Variants in DTX2 observed in about 807,000 individuals in gnomAD.
DTX2 encodes deltex E3 ubiquitin ligase 2.
A neutral mutation model predicts 55.3 loss-of-function variants in DTX2; 29 were observed. The ratio of observed to expected loss-of-function variants is 0.52; its 90% confidence interval spans 0.39 to 0.71. DTX2 has a LOEUF of 0.71. Among genes scored for constraint, DTX2 ranks in the 30% least tolerant of loss-of-function variants. The probability of loss-of-function intolerance (pLI) is 0.00; values close to 1 mark genes in which losing one functional copy is unlikely to be tolerated. For synonymous variants in DTX2, 276 were observed against 340.4 expected (o/e 0.81, Z 2.08); for missense variants, 537 against 822.5 (o/e 0.65, Z 4.25).
chr7:76,502,785 C>T (rs900728847), intron 8 of DTX2: 28 of 414,056 alleles, frequency 6.8e-5, no homozygotes, highest in Middle Eastern at 1.3e-3. Context: ...GCACCGCAGA[C>T]ACTGTCTCCC....
chr7:76,490,287 C>T (rs1290333254), intron 4 of DTX2, among the ~76,000 whole-genome samples: 1 of 86,006 alleles, frequency 1.2e-5, no homozygotes, highest in East Asian at 3.0e-4. Context: ...GATCACACCA[C>T]TGCACTCCAG....
At chr7:76,502,588 GC>G in intron 8 of DTX2, 132 bp downstream of exon 8, 1 of 1,066,512 alleles carries the variant, frequency 9.4e-7, no homozygotes, top group Non-Finnish European at 1.3e-6. Context: ...TGGGCGTGGG[GC>G]CAGCTTGAAG....
At chr7:76,477,800 C>CTAAATAAATAAATAAA (rs200872991) in intron 2 of DTX2, among the ~76,000 whole-genome samples, 2 of 90,046 alleles carry the variant, frequency 2.2e-5, no homozygotes, top group African/African-American at 9.9e-5. Flanking sequence ...GACTCGGACT[C>CTAAATAAATAAATAAA]TAAATAAATA....
At chr7:76,482,068 C>T (rs1320761110) in intron 3 of DTX2, among the ~76,000 whole-genome samples, 2 of 152,104 alleles carry the variant, frequency 1.3e-5, no homozygotes, top group African/African-American at 4.8e-5. Flanking sequence ...GCTCCCAAGT[C>T]GTTGCCTTCA....
chr7:76,498,615 C>T lies in DTX2; in HGVS notation c.1150+1138C>T, dbSNP rs1811204781. Among the ~76,000 whole-genome samples the T allele has an allele frequency of 2.5e-5, 3 of 117,814 alleles. 1 individual carries two copies. The East Asian group carries it at 8.8e-4, about 35-fold the overall frequency. 77.3% of individuals were successfully genotyped at this position (117,814 alleles called of 152,430 possible). On this transcript the variant is annotated intron_variant, in intron 6 of 10. Coordinates refer to ENST00000430490, the MANE Select transcript of DTX2 (RefSeq NM_001102594.3). ...CGGCCTCACCAGGGCTGGGCAGAGGCGAGGCCCAGGCTCACCCGGAGATGG... is the reference window on the plus strand; with the variant it reads ...CGGCCTCACCAGGGCTGGGCAGAGGTGAGGCCCAGGCTCACCCGGAGATGG...
intron 7 of DTX2, among the ~76,000 whole-genome samples, chr7:76,501,033 CCAAT>C (rs1156774757): frequency 6.6e-5 from 10 of 152,082 alleles, no homozygotes; most frequent in Non-Finnish European, 1.5e-5. Flanking sequence ...ATGAACAGGA[CCAAT>C]CAGACTCCTG....
intron 2 of DTX2, chr7:76,478,344 T>C (rs1808772932): frequency 7.0e-6 from 1 of 143,566 alleles, no homozygotes; most frequent in Non-Finnish European, 1.5e-5. Flanking sequence ...GAGACAGATG[T>C]GGAGCAGCAC....
Position 76,503,666 on chromosome 7 carries a change from A to T in DTX2, c.1551+79A>T, listed in dbSNP as rs1270502609. 10 of 1,321,198 alleles carry T rather than the reference A, an allele frequency of 7.6e-6. No homozygotes were observed. The East Asian group carries it at 2.4e-4, about 32-fold the overall frequency. The allele number at this position is 1,321,198 out of a possible 1,614,324, so 81.8% of individuals were successfully genotyped here. The stretch of plus-strand genomic sequence containing the variant: ...CCACATCCCAGCAGTCTGCCCCTGG[A>T]TCAAGGCTGAGGATGCCCATGTGGC... On this transcript the variant is annotated intron_variant, in intron 9 of 10. Transcript: ENST00000430490.
chr7:76,505,677 G>GC lies in DTX2; in HGVS notation c.*79dup. 4.1e-6 allele frequency: 6 copies of GC among 1,453,656 alleles called. No individual in the cohort carries two copies. Among genetic ancestry groups the GC allele is most frequent in the Non-Finnish European group, 4.6e-6 (5 of 1,078,988 alleles). The allele number at this position is 1,453,656 out of a possible 1,614,324, so 90.0% of individuals were successfully genotyped here. On this transcript the variant is annotated 3_prime_UTR_variant, in exon 11 of 11. Transcript: ENST00000430490. This position sits in a 1 kb window ranked among gnomAD's most constrained non-coding sequence, Gnocchi z 4.4. ...CTGGCTGGGTGGCCAGGCAGGAAGT[G>GC]CCCAGCCCGAGAGGCTGGGAGGTTT...
chr7:76,501,386 AG>A (rs2116602306), intron 7 of DTX2: 1 of 420,402 alleles, frequency 2.4e-6, no homozygotes, highest in East Asian at 7.1e-5. Flanking sequence ...CCCAGCGCTC[AG>A]CTCTGTCTCG....
chr7:76,501,195 C>T, intron 7 of DTX2: 1 of 438,046 alleles, frequency 2.3e-6, no homozygotes, highest in Admixed American at 2.6e-5. Flanking sequence ...CAGAGATCTT[C>T]AGATACTTGG....
chr7:76,481,702 A>G (rs1458638024), intron 3 of DTX2, among the ~76,000 whole-genome samples: 1 of 151,836 alleles, frequency 6.6e-6, no homozygotes, highest in Non-Finnish European at 1.5e-5. Context: ...GCTGCTCGCC[A>G]TCCGGCAGTG....
At chr7:76,501,888 C>CTTTT in intron 7 of DTX2, 3 of 144,772 alleles carry the variant, frequency 2.1e-5, no homozygotes, top group South Asian at 4.0e-4. Context: ...GTGGAATGGA[C>CTTTT]TTTTTTTTTT....
In DTX2 at chr7:76,505,406, G is replaced by T; in HGVS notation, c.1674G>T (p.Arg558Ser). 1.9e-6 allele frequency: 3 copies of T among 1,590,232 alleles called. No individual in the cohort carries two copies. Among genetic ancestry groups the T allele is most frequent in the Non-Finnish European group, 2.6e-6 (3 of 1,168,754 alleles). Reference sequence around the variant, plus strand: ...AGCTCCTGAAGGTGGCCTGGAAGAGGCGGCTCATCTTCACAGTGGGCACGT... The same window carrying T: ...AGCTCCTGAAGGTGGCCTGGAAGAGTCGGCTCATCTTCACAGTGGGCACGT... ...VLELLKVAWK[R>S]RLIFTVGTSS... Residue 558 changes from arginine (R) to serine (S), a missense_variant, in exon 11 of 11, where the codon AGG becomes AGT. By Grantham distance (110) the Arg-to-Ser change is moderately radical. Around this residue, in one of 7 missense-constraint regions of DTX2, gnomAD observed 33 missense variants for 48.4 expected, o/e 0.68. Coordinates refer to ENST00000430490, the MANE Select transcript of DTX2 (RefSeq NM_001102594.3). The surrounding 1 kb of genome is among the most constrained non-coding windows in gnomAD (Gnocchi z 4.4).
chr7:76,505,808 G>A lies in DTX2; in HGVS notation c.*207G>A. On this transcript the variant is annotated 3_prime_UTR_variant, in exon 11 of 11. Transcript: ENST00000430490. The surrounding 1 kb of genome is among the most constrained non-coding windows in gnomAD (Gnocchi z 4.4). ...GGCAGCCCTGGGCAGTTGTACTCAT[G>A]GGGGCTTAGGATGCAGCTACCTCAG... is the stretch of plus-strand genomic sequence containing the variant. 19 of 627,562 alleles carry A rather than the reference G, an allele frequency of 3.0e-5. No individual in the cohort carries two copies. The highest frequency in any genetic ancestry group is 2.8e-6 in the Non-Finnish European group (1 of 358,262). The allele number at this position is 627,562 out of a possible 1,614,324, so 38.9% of individuals were successfully genotyped here. A position where few individuals can be genotyped will look rare whatever the true frequency, so the allele number is the denominator to read the frequency against.
At position 76,495,678 on chromosome 7, in the gene DTX2, G is replaced by T. The variant is rs954251869; in HGVS notation, c.1010-1659G>T. On this transcript the variant is annotated intron_variant, in intron 5 of 10. Coordinates refer to ENST00000430490, the MANE Select transcript of DTX2 (RefSeq NM_001102594.3). ...CCCAGGGATCAGGCACTGCCCCAGC[G>T]GGGTGCTGGAGATGCAGCTACGGGT... Among the ~76,000 whole-genome samples, 765 of 150,532 alleles carry T rather than the reference G, an allele frequency of 5.1e-3. 2 individuals carry two copies. The highest frequency in any genetic ancestry group is 0.021 in the South Asian group (101 of 4,724).
At chr7:76,473,111 G>A (rs1808142011) in intron 2 of DTX2, among the ~76,000 whole-genome samples, 1 of 152,014 alleles carries the variant, frequency 6.6e-6, no homozygotes, top group Non-Finnish European at 1.5e-5. Flanking sequence ...GATTATAGGT[G>A]TGAGCCACCA....
In DTX2 at chr7:76,488,674, T is replaced by G. The variant is rs1810136861; in HGVS notation, c.909-3479T>G. On this transcript the variant is annotated intron_variant, in intron 4 of 10. Transcript: ENST00000430490. ...ACTTTGGGAGGCCGAGGTGGGTGGA[T>G]CACTTGAGTTCAGGAGTTCAAGACC... Among the ~76,000 whole-genome samples the G allele has an allele frequency of 2.6e-5, 2 of 76,198 alleles. 1 individual carries two copies. The highest frequency in any genetic ancestry group is 1.3e-4 in the African/African-American group (2 of 15,084). 50.0% of individuals were successfully genotyped at this position (76,198 alleles called of 152,430 possible). A position where few individuals can be genotyped will look rare whatever the true frequency, so the allele number is the denominator to read the frequency against.
intron 2 of DTX2, among the ~76,000 whole-genome samples, chr7:76,467,804 C>T (rs1220688667): frequency 3.3e-5 from 5 of 150,486 alleles, no homozygotes; most frequent in African/African-American, 4.9e-5. Context: ...GGAGCGGGAG[C>T]GAACTTAGGA....
Sources: gnomAD v4.1 joint callset for allele counts (sites outside exome capture counted in the v4.1 genomes callset) on GRCh38, gnomAD v4.1.1 for gene constraint, gnomAD v4.1.1 regional missense constraint, Gnocchi (gnomAD v3.1) non-coding constraint, MANE v1.5 for transcripts, NCBI Gene and HGNC (gene_info 2026-07-23, HGNC 2026-07-21) for gene names.